Variants in NTM observed in about 807,000 individuals in gnomAD.
The protein encoded by NTM is IgLON family member 2.
In NTM, 13 loss-of-function variants were observed where a neutral mutation model predicts 42.1. That is an observed-to-expected ratio of 0.31 (90% CI 0.20 to 0.49). The LOEUF is 0.49. NTM is among the 20% of genes least tolerant of loss of function. The pLI, the probability that NTM is intolerant of heterozygous loss-of-function variation, is 0.99. For synonymous variants in NTM, 187 were observed against 179.2 expected (o/e 1.04, Z -0.35); for missense variants, 373 against 452.8 (o/e 0.82, Z 1.60).
At chr11:131,497,632 C>T (rs11222672) in intron 1 of NTM, among the ~76,000 whole-genome samples, 26,991 of 152,158 alleles carry the variant, frequency 0.18, 2,606 homozygotes, top group Admixed American at 0.29. Flanking sequence ...CTCTTCAAAG[C>T]TTAGCCTGTT....
At chr11:131,482,252 T>G in intron 1 of NTM, among the ~76,000 whole-genome samples, 1 of 152,220 alleles carries the variant, frequency 6.6e-6, no homozygotes, top group East Asian at 1.9e-4. Context: ...AGACAATGTG[T>G]TCTGCATTCT....
chr11:131,820,693 C>T (rs1320130265), intron 1 of NTM, among the ~76,000 whole-genome samples: 1 of 152,144 alleles, frequency 6.6e-6, no homozygotes. Context: ...CTAAGCAATA[C>T]AAAGGATTGG....
At chr11:131,372,884 G>A (rs1941412161) in intron 1 of NTM, among the ~76,000 whole-genome samples, 1 of 152,104 alleles carries the variant, frequency 6.6e-6, no homozygotes, top group Non-Finnish European at 1.5e-5. Context: ...AAGTGGTGGT[G>A]CCAATTTCTC....
At chr11:132,111,063 C>CAAAAAAAAAAAAAAAAA (rs57458373) in intron 2 of NTM, among the ~76,000 whole-genome samples, 3 of 35,466 alleles carry the variant, frequency 8.5e-5, no homozygotes, top group Admixed American at 5.2e-4. Context: ...GGCCCTATCT[C>CAAAAAAAAAAAAAAAAA]AAAAAAAAAA....
intron 2 of NTM, among the ~76,000 whole-genome samples, chr11:131,935,834 A>C (rs2134148126): frequency 6.6e-6 from 1 of 152,374 alleles, no homozygotes; most frequent in South Asian, 2.1e-4. Flanking sequence ...ACAAAGAACA[A>C]GAACAGGCAG....
chr11:131,976,800 A>C (rs2064452388), intron 2 of NTM, among the ~76,000 whole-genome samples: 1 of 152,232 alleles, frequency 6.6e-6, no homozygotes, highest in Non-Finnish European at 1.5e-5. Flanking sequence ...TTTGAAAAGC[A>C]TCTCAGCGAA....
chr11:131,737,665 C>T (rs569120217), intron 1 of NTM, among the ~76,000 whole-genome samples: 283 of 152,210 alleles, frequency 1.9e-3, no homozygotes, highest in African/African-American at 6.5e-3. Flanking sequence ...TTCTCTCTTT[C>T]GCCTTCTTTA....
chr11:131,823,829 T>G (rs990794785), intron 1 of NTM, among the ~76,000 whole-genome samples: 2 of 152,220 alleles, frequency 1.3e-5, no homozygotes, highest in Non-Finnish European at 2.9e-5. Context: ...TAACCTCAAA[T>G]GTAAAAAGTT....
rs562645662 is a variant in NTM at position 131,437,850 on chromosome 11, G to A, written c.82+66962G>A. On this transcript the variant is annotated intron_variant, in intron 1 of 8. Transcript: ENST00000683400. Reference sequence around the variant, plus strand: ...AATATGTCAGCTGGTTATTTTGCCCGTTAGTTGATGCAGTTTCTTCCTAGC... The same window carrying A: ...AATATGTCAGCTGGTTATTTTGCCCATTAGTTGATGCAGTTTCTTCCTAGC... 9.9e-4 allele frequency among the ~76,000 whole-genome samples: 150 copies of A among 152,252 alleles called. 1 individual carries two copies. The highest frequency in any genetic ancestry group is 3.4e-3 in the Middle Eastern group (1 of 294).
chr11:131,430,525 A>G (rs530757141), intron 1 of NTM, among the ~76,000 whole-genome samples: 2 of 152,326 alleles, frequency 1.3e-5, no homozygotes, highest in Non-Finnish European at 2.9e-5. Context: ...CTCCTGGGCC[A>G]CACTGTAAAC....
intron 1 of NTM, among the ~76,000 whole-genome samples, chr11:131,598,809 T>TCC (rs2060138005): frequency 1.4e-5 from 1 of 69,574 alleles, no homozygotes; most frequent in African/African-American, 4.3e-5. Context: ...TTTTCTTTCT[T>TCC]TCTTCTTTCT....
At chr11:131,766,267 G>A (rs1179339142) in intron 1 of NTM, among the ~76,000 whole-genome samples, 1 of 152,192 alleles carries the variant, frequency 6.6e-6, no homozygotes, top group Non-Finnish European at 1.5e-5. Context: ...ATTTTCACTT[G>A]AGGAGTTGAT....
At chr11:131,611,524 G>C (rs2061465326) in intron 1 of NTM, among the ~76,000 whole-genome samples, 1 of 152,206 alleles carries the variant, frequency 6.6e-6, no homozygotes, top group South Asian at 2.1e-4. Flanking sequence ...GAGAACAATA[G>C]ATCAAAGGGG....
At chr11:131,668,567 A>G (rs1225304418) in intron 1 of NTM, among the ~76,000 whole-genome samples, 3 of 152,114 alleles carry the variant, frequency 2.0e-5, no homozygotes, top group Non-Finnish European at 4.4e-5. Flanking sequence ...ATGAGTCTAA[A>G]GCAGAGACTT....
intron 1 of NTM, among the ~76,000 whole-genome samples, chr11:131,413,148 G>C (rs1246849810): frequency 6.6e-6 from 1 of 152,168 alleles, no homozygotes; most frequent in Admixed American, 6.5e-5. Context: ...TCAAAGGATA[G>C]AGTCAGGTGC....
intron 2 of NTM, among the ~76,000 whole-genome samples, chr11:132,031,517 A>G (rs57527896): frequency 0.034 from 5,141 of 152,172 alleles, 289 homozygotes; most frequent in African/African-American, 0.11. Flanking sequence ...TGGTTGGTAG[A>G]TTGGGTGTTG....
At chr11:131,744,403 C>T (rs1402991548) in intron 1 of NTM, among the ~76,000 whole-genome samples, 3 of 152,088 alleles carry the variant, frequency 2.0e-5, no homozygotes, top group African/African-American at 4.8e-5. Flanking sequence ...TAATACAGAA[C>T]ATGCAAATCA....
At chr11:131,451,114 T>C (rs1950451909) in intron 1 of NTM, among the ~76,000 whole-genome samples, 2 of 151,996 alleles carry the variant, frequency 1.3e-5, no homozygotes. Flanking sequence ...CTTCTTCTAG[T>C]TTCAGAATTA....
chr11:131,987,029 T>G (rs1298252763), intron 2 of NTM, among the ~76,000 whole-genome samples: 7 of 152,218 alleles, frequency 4.6e-5, no homozygotes, highest in Non-Finnish European at 2.9e-5. Flanking sequence ...TGAGGATCTT[T>G]TATTCCAAGC....
Sources: allele counts gnomAD v4.1 joint callset (sites outside exome capture counted in the v4.1 genomes callset), GRCh38; gene constraint gnomAD v4.1.1; transcripts MANE v1.5; gene names NCBI Gene and HGNC (gene_info 2026-07-23, HGNC 2026-07-21).